Variants in DNAH14 observed in about 807,000 individuals in gnomAD.
DNAH14 encodes axonemal beta dynein heavy chain 14.
Under a neutral mutation model 520.9 loss-of-function variants are expected in DNAH14, and 478 were observed. The ratio of observed to expected loss-of-function variants is 0.92; its 90% CI spans 0.85 to 0.99. The LOEUF is 0.99. Among genes scored for constraint, DNAH14 ranks in the 50% least tolerant of loss-of-function variants. The probability of loss-of-function intolerance (pLI) is 0.00; values close to 1 mark genes in which losing one functional copy is unlikely to be tolerated. For missense variants in DNAH14, 4,831 were observed against 5,234.5 expected, an observed-to-expected ratio of 0.92 and a Z score of 2.38; for synonymous variants, 1,581 against 1,757.2, an observed-to-expected ratio of 0.90 and a Z score of 2.51.
At chr1:225,150,005 T>C (rs1352074909) in intron 31 of DNAH14, among the ~76,000 whole-genome samples, 1 of 152,188 alleles carries the variant, frequency 6.6e-6, no homozygotes, top group Non-Finnish European at 1.5e-5. Flanking sequence ...GCTTCCAGTT[T>C]TTGCCCATTC....
At chr1:224,984,375 T>G (rs534383804) in intron 8 of DNAH14, among the ~76,000 whole-genome samples, 3 of 151,020 alleles carry the variant, frequency 2.0e-5, no homozygotes, top group African/African-American at 7.2e-5. Flanking sequence ...ATCTCTCACC[T>G]TATACAAAAA....
chr1:225,001,011 C>T (rs2063730905), intron 8 of DNAH14, among the ~76,000 whole-genome samples: 1 of 151,986 alleles, frequency 6.6e-6, no homozygotes, highest in East Asian at 1.9e-4. Flanking sequence ...ACCCTTTTTT[C>T]CCTATGGCAT....
At chr1:225,062,102 T>C (rs1284531982) in intron 17 of DNAH14, among the ~76,000 whole-genome samples, 1 of 151,768 alleles carries the variant, frequency 6.6e-6, no homozygotes, top group Non-Finnish European at 1.5e-5. Flanking sequence ...AGTTTGAGAC[T>C]AGCCTGGGCA....
intron 46 of DNAH14, 21 bp downstream of exon 46, chr1:225,259,274 A>T: frequency 7.4e-7 from 1 of 1,356,892 alleles, no homozygotes; most frequent in Non-Finnish European, 9.6e-7. Flanking sequence ...CTAACTTCTA[A>T]ATTTGATTTG....
At chr1:225,308,256 A>T in intron 59 of DNAH14, 29 bp from the exon 60 acceptor site, 1 of 1,517,010 alleles carries the variant, frequency 6.6e-7, no homozygotes, top group South Asian at 1.3e-5. Context: ...CTTAAAATTC[A>T]TTCTAAGAAC....
intron 81 of DNAH14, among the ~76,000 whole-genome samples, chr1:225,382,268 AAATT>A (rs1173809773): frequency 6.6e-6 from 1 of 152,230 alleles, no homozygotes; most frequent in East Asian, 1.9e-4. Context: ...GCATTGGGAG[AAATT>A]GGAACCCAAA....
At chr1:225,192,361 G>A (rs945080739) in intron 37 of DNAH14, among the ~76,000 whole-genome samples, 3 of 152,056 alleles carry the variant, frequency 2.0e-5, no homozygotes, top group Admixed American at 1.3e-4. Flanking sequence ...GCTTAAAAGT[G>A]TATTCTGTTG....
chr1:225,339,639 T>A (rs2095138289), intron 68 of DNAH14, among the ~76,000 whole-genome samples: 1 of 152,186 alleles, frequency 6.6e-6, no homozygotes, highest in Admixed American at 6.5e-5. Context: ...ATGGTCCCCA[T>A]GTTAGGAATG....
chr1:225,137,013 C>T lies in DNAH14; in HGVS notation c.4255-3755C>T, dbSNP rs182089203. Among the ~76,000 whole-genome samples the T allele has an allele frequency of 1.5e-3, 226 of 152,232 alleles. No individual in the cohort carries two copies. The Middle Eastern group carries it at 0.017, about 11-fold the overall frequency. On this transcript the variant is annotated intron_variant, in intron 27 of 85. Coordinates refer to ENST00000682510, the MANE Select transcript of DNAH14 (RefSeq NM_001367479.1). ...TCAGCTCCATTAGGTCAGTTATGTT[C>T]CTCTCTAAATTGGCTGTTCTGGCTA...
At chr1:225,363,849 T>C (rs142585455) in intron 75 of DNAH14, among the ~76,000 whole-genome samples, 1 of 152,334 alleles carries the variant, frequency 6.6e-6, no homozygotes, top group African/African-American at 2.4e-5. Context: ...AAGAAAAAAG[T>C]CTGTATAGGT....
rs1255256427 is a variant in DNAH14, at chr1:225,360,872, C to A, written c.11968C>A (p.Leu3990Ile). The A allele has an allele frequency of 1.9e-6, 3 of 1,551,660 alleles. No homozygotes were observed. The South Asian group carries it at 3.6e-5, about 18-fold the overall frequency. ...CHLATSFMPR[L>I]CTIVESFNSP... ...TCTTGCAACATCATTTATGCCAAGG[C>A]TTTGCACAATTGTAGAATCGTAAGA... Residue 3990 changes from leucine (L) to isoleucine (I), a missense_variant, in exon 75 of 86, where the codon CTT (leucine) becomes ATT (isoleucine). Physicochemically the swap from Leu to Ile is conservative, Grantham distance 5. Coordinates refer to ENST00000682510, the MANE Select transcript of DNAH14 (RefSeq NM_001367479.1).
At chr1:225,240,259 A>G (rs758962615) in intron 42 of DNAH14, among the ~76,000 whole-genome samples, 1 of 150,268 alleles carries the variant, frequency 6.7e-6, no homozygotes, top group East Asian at 1.9e-4. Context: ...AAGCATATAT[A>G]TGTATATTAA....
chr1:225,385,237 T>G (rs1439632076), intron 81 of DNAH14, among the ~76,000 whole-genome samples: 2 of 152,128 alleles, frequency 1.3e-5, no homozygotes, highest in Non-Finnish European at 2.9e-5. Context: ...CTCAAAATAA[T>G]AAGAGCTATT....
chr1:225,128,357 C>A (rs1347345186), intron 27 of DNAH14, among the ~76,000 whole-genome samples: 1 of 152,000 alleles, frequency 6.6e-6, no homozygotes, highest in Admixed American at 6.6e-5. Context: ...GGCAGAGACA[C>A]AACCAAAAAA....
chr1:225,394,063 C>A (rs1240961361), intron 84 of DNAH14, among the ~76,000 whole-genome samples: 2 of 152,058 alleles, frequency 1.3e-5, no homozygotes, highest in Admixed American at 6.5e-5. Context: ...CTCGTGATCC[C>A]CCTGCTCCGC....
rs997130362 is a variant in DNAH14 at position 225,315,800 on chromosome 1, C to T, written c.9241-2783C>T. 1.5e-4 allele frequency among the ~76,000 whole-genome samples: 23 copies of T among 152,330 alleles called. No individual in the cohort carries two copies. The Middle Eastern group carries it at 0.01, about 68-fold the overall frequency. Reference sequence around the variant, plus strand: ...AGCAAAGATTGCTGCCTGCTCCTTCCGCTGGAAGCTTCATCCAAGAGGGGC... The same window carrying T: ...AGCAAAGATTGCTGCCTGCTCCTTCTGCTGGAAGCTTCATCCAAGAGGGGC... On this transcript the variant is annotated intron_variant, in intron 60 of 85. Coordinates refer to ENST00000682510, the MANE Select transcript of DNAH14 (RefSeq NM_001367479.1).
Position 225,196,007 on chromosome 1 carries a change from A to G in DNAH14, c.5886+3096A>G, listed in dbSNP as rs926403143. Among the ~76,000 whole-genome samples the G allele has an allele frequency of 2.3e-4, 35 of 151,968 alleles. No individual in the cohort carries two copies. In the East Asian group the frequency reaches 5.6e-3, roughly 24 times the overall value. Reference sequence around the variant, plus strand: ...TCTCACATTTTTAAGAAATTTATTTATTTATTTATTTATTTATTTTTATTT... The same window carrying G: ...TCTCACATTTTTAAGAAATTTATTTGTTTATTTATTTATTTATTTTTATTT... On this transcript the variant is annotated intron_variant, in intron 38 of 85. Transcript: ENST00000682510.
At chr1:224,999,063 T>A (rs1360038782) in intron 8 of DNAH14, among the ~76,000 whole-genome samples, 2 of 152,194 alleles carry the variant, frequency 1.3e-5, no homozygotes, top group Non-Finnish European at 2.9e-5. Flanking sequence ...TTATTTGGTA[T>A]TAATATAGCC....
At chr1:225,252,450 G>A (rs771683665) in intron 44 of DNAH14, 33 bp downstream of exon 44, 15 of 1,209,098 alleles carry the variant, frequency 1.2e-5, no homozygotes, top group East Asian at 5.1e-5. Flanking sequence ...TACTTGTAAC[G>A]TTAGAATATT....
Sources: gnomAD v4.1 joint callset for allele counts (sites outside exome capture counted in the v4.1 genomes callset) on GRCh38, gnomAD v4.1.1 for gene constraint, MANE v1.5 for transcripts, NCBI Gene and HGNC (gene_info 2026-07-23, HGNC 2026-07-21) for gene names.